MGAM2: variants seen among roughly 807,000 people sequenced by gnomAD.
The protein encoded by MGAM2 is probable maltase-glucoamylase 2.
In MGAM2, 98 loss-of-function variants were observed where a neutral mutation model predicts 96.1. That is an observed-to-expected ratio of 1.02 (90% CI 0.87 to 1.21). The LOEUF (loss-of-function observed/expected upper bound fraction) is 1.21. MGAM2 is among the 50% of genes most tolerant of loss of function. The pLI, the probability that MGAM2 is intolerant of heterozygous loss-of-function variation, is 0.00. For missense variants in MGAM2, 2,055 were observed against 1,182.4 expected (o/e 1.74, Z -10.82); for synonymous variants, 749 against 414.8 (o/e 1.81, Z -9.79).
intron 3 of MGAM2, among the ~76,000 whole-genome samples, chr7:142,126,610 TATTTA>T (rs1185431466): frequency 4.6e-5 from 7 of 152,270 alleles, no homozygotes; most frequent in African/African-American, 9.6e-5. Flanking sequence ...TGTAAAGATT[TATTTA>T]ATTTAGAGTT....
chr7:142,173,698 TA>T (rs1563275809), intron 31 of MGAM2, among the ~76,000 whole-genome samples: 1 of 152,210 alleles, frequency 6.6e-6, no homozygotes, highest in East Asian at 1.9e-4. Flanking sequence ...CCCTTTGGGC[TA>T]AAAAGAAGCA....
At position 142,120,375 on chromosome 7, in the gene MGAM2, G is replaced by A. The variant is rs1456707040; in HGVS notation, c.180G>A (p.Val60=). The change falls in exon 3 of 48, where the codon GTG becomes GTA. Residue 60 remains valine (V), a synonymous_variant. Coordinates refer to ENST00000477922, the MANE Select transcript of MGAM2 (RefSeq NM_001293626.2). ...ERIDCTPDQE[V]TEDICRWQYK... The stretch of plus-strand genomic sequence containing the variant: ...TAGACTGCACACCTGACCAGGAGGT[G>A]ACCGAGGTCAGAGAAATAAGGTCCC... 1 of 702,838 alleles carries A rather than the reference G, an allele frequency of 1.4e-6. No homozygotes were observed. The highest frequency in any genetic ancestry group is 1.7e-5 in the African/African-American group (1 of 57,234). 43.5% of individuals were successfully genotyped at this position (702,838 alleles called of 1,614,324 possible).
chr7:142,183,440 A>G (rs1796600244), intron 33 of MGAM2, 67 bp downstream of exon 33: 1 of 677,478 alleles, frequency 1.5e-6, no homozygotes, highest in African/African-American at 1.8e-5. Context: ...ACAGCTCTCA[A>G]TACACATTGG....
chr7:142,117,430 C>A (rs1020615139), intron 2 of MGAM2, among the ~76,000 whole-genome samples: 1 of 152,148 alleles, frequency 6.6e-6, no homozygotes, highest in Non-Finnish European at 1.5e-5. Context: ...CCTTTGAAAC[C>A]GTTCTGTCTG....
At chr7:142,139,146 G>C (rs1795143451) in intron 10 of MGAM2, among the ~76,000 whole-genome samples, 1 of 152,094 alleles carries the variant, frequency 6.6e-6, no homozygotes, top group Non-Finnish European at 1.5e-5. Flanking sequence ...GTTTCTCACG[G>C]TGACCTCATA....
At position 142,219,937 on chromosome 7, in the gene MGAM2, ATGG is replaced by A; in HGVS notation, c.5431_5433del (p.Gly1811del). 1.4e-6 allele frequency: 1 copy of A among 702,816 alleles called. No homozygotes were observed. Among genetic ancestry groups the A allele is most frequent in the Non-Finnish European group, 2.6e-6 (1 of 384,872 alleles). The allele number at this position is 702,816 out of a possible 1,614,324, so 43.5% of individuals were successfully genotyped here. A position where few individuals can be genotyped will look rare whatever the true frequency, so the allele number is the denominator to read the frequency against. ...AAGTTAACTGAGGTTACTTGGATTG[ATGG>A]TGGTCCTGTACTTCCTACTCCAACT... On this transcript the variant is annotated inframe_deletion, in exon 48 of 48. Coordinates refer to ENST00000477922, the MANE Select transcript of MGAM2 (RefSeq NM_001293626.2).
intron 44 of MGAM2, among the ~76,000 whole-genome samples, chr7:142,199,273 A>G (rs938983027): frequency 4.1e-4 from 62 of 152,348 alleles, no homozygotes; most frequent in African/African-American, 1.5e-3. Context: ...GCACATAATA[A>G]CAAGTCAAAA....
At chr7:142,194,034 TTC>T (rs1295448945) in intron 37 of MGAM2, among the ~76,000 whole-genome samples, 1 of 133,408 alleles carries the variant, frequency 7.5e-6, no homozygotes, top group African/African-American at 3.2e-5. Context: ...TTCTTTCTTC[TTC>T]TTTTTTTTTT....
At chr7:142,206,268 C>T (rs901885278) in intron 45 of MGAM2, among the ~76,000 whole-genome samples, 14 of 152,168 alleles carry the variant, frequency 9.2e-5, no homozygotes, top group South Asian at 4.1e-4. Flanking sequence ...TATTTTAAAG[C>T]GGTTTTTCTC....
Position 142,147,525 on chromosome 7 carries a change from A to G in MGAM2, c.1586A>G (p.Tyr529Cys). ...ACGGAGTTTCATGGGGGCCTTCATT[A>G]TGACATCCACAGCTTGTATGGCCAC... The part of the protein sequence containing the change: ...MDTEFHGGLH[Y>C]DIHSLYGHSM... The change falls in exon 15 of 48, where the codon TAT becomes TGT. Residue 529 changes from tyrosine to cysteine, a missense_variant. Coordinates refer to ENST00000477922, the MANE Select transcript of MGAM2 (RefSeq NM_001293626.2). 1 of 702,946 alleles carries G rather than the reference A, an allele frequency of 1.4e-6. No homozygotes were observed. Among genetic ancestry groups the G allele is most frequent in the South Asian group, 1.5e-5 (1 of 67,598 alleles). 43.5% of individuals were successfully genotyped at this position (702,946 alleles called of 1,614,324 possible). A position where few individuals can be genotyped will look rare whatever the true frequency, so the allele number is the denominator to read the frequency against.
At chr7:142,170,016 G>A in intron 26 of MGAM2, 59 bp from the exon 27 acceptor site, 1 of 649,096 alleles carries the variant, frequency 1.5e-6, no homozygotes, top group South Asian at 1.7e-5. Context: ...ATATGGGGTG[G>A]CATGAGGGGT....
intron 38 of MGAM2, 125 bp from the exon 39 acceptor site, chr7:142,196,440 C>T (rs1281806923): frequency 1.5e-6 from 1 of 663,056 alleles, no homozygotes; most frequent in African/African-American, 1.8e-5. Context: ...TTAATTTACA[C>T]CCATCTTTTA....
chr7:142,146,760 C>T (rs555623307), intron 14 of MGAM2, among the ~76,000 whole-genome samples: 27 of 151,260 alleles, frequency 1.8e-4, no homozygotes, highest in Middle Eastern at 3.4e-3. Flanking sequence ...TGTAGTCTCG[C>T]TCTGTCACCC....
rs1796063016 is a variant in MGAM2 at position 142,167,470 on chromosome 7, C to A, written c.3011C>A (p.Thr1004Asn). 1.4e-6 allele frequency: 1 copy of A among 703,010 alleles called. No homozygotes were observed. 43.5% of individuals were successfully genotyped at this position (703,010 alleles called of 1,614,324 possible). A position where few individuals can be genotyped will look rare whatever the true frequency, so the allele number is the denominator to read the frequency against. Reference sequence around the variant, plus strand: ...CTGAAAGTGATCTATCACACAGCAACCATGCTGCAGGTCAAGGTAAGGCCC... The same window carrying A: ...CTGAAAGTGATCTATCACACAGCAAACATGCTGCAGGTCAAGGTAAGGCCC... ...LHLKVIYHTA[T>N]MLQVKIYDPT... Residue 1004 changes from threonine (T) to asparagine (N), a missense_variant, in exon 26 of 48, where the codon ACC becomes AAC. Physicochemically the swap from Thr to Asn is moderately conservative, Grantham distance 65. Transcript: ENST00000477922.
chr7:142,203,587 C>T (rs1797305765), intron 45 of MGAM2, among the ~76,000 whole-genome samples: 3 of 151,990 alleles, frequency 2.0e-5, no homozygotes, highest in Admixed American at 2.0e-4. Context: ...TCACACTACC[C>T]AACATCAAGC....
chr7:142,129,823 C>CA (rs1794832161), intron 3 of MGAM2, among the ~76,000 whole-genome samples: 1 of 6,712 alleles, frequency 1.5e-4, no homozygotes, highest in African/African-American at 7.2e-4. Context: ...AAAACTCTGT[C>CA]TCAAAAAAAA....
rs535100555 is a variant in MGAM2, at chr7:142,182,033, A to T, written c.3817-1233A>T. On this transcript the variant is annotated intron_variant, in intron 32 of 47. Coordinates refer to ENST00000477922, the MANE Select transcript of MGAM2 (RefSeq NM_001293626.2). ...AGTCTGTGGCTGGTAAACAGGCTAC[A>T]TCCTTCCCAGACCAGTCTGGCAGAG... 5.3e-5 allele frequency among the ~76,000 whole-genome samples: 8 copies of T among 152,210 alleles called. No individual in the cohort carries two copies. The South Asian group carries it at 1.7e-3, about 32-fold the overall frequency.
At chr7:142,114,635 T>C (rs998485927) in intron 1 of MGAM2, among the ~76,000 whole-genome samples, 15 of 152,062 alleles carry the variant, frequency 9.9e-5, no homozygotes, top group African/African-American at 3.1e-4. Context: ...TAAGAGATAA[T>C]TGGTGGAATG....
intron 6 of MGAM2, among the ~76,000 whole-genome samples, chr7:142,132,540 T>C (rs867155397): frequency 3.7e-5 from 5 of 134,242 alleles, no homozygotes; most frequent in Admixed American, 1.5e-4. Context: ...ATATATAAAA[T>C]ATATAATTTA....
Sources: allele counts gnomAD v4.1 joint callset (sites outside exome capture counted in the v4.1 genomes callset), GRCh38; gene constraint gnomAD v4.1.1; transcripts MANE v1.5; gene names NCBI Gene and HGNC (gene_info 2026-07-23, HGNC 2026-07-21).